Variants in NELL1 observed in about 807,000 individuals in gnomAD.
NELL1 encodes the protein neural EGFL like 1, also known as protein kinase C-binding protein NELL1.
In NELL1, 76 loss-of-function variants were observed where a neutral mutation model predicts 107.4. The observed-to-expected ratio is 0.71, with a 90% confidence interval of 0.59 to 0.86. NELL1 has a LOEUF of 0.86. NELL1 is among the 40% of genes least tolerant of loss of function. The pLI is 0.00. For missense variants in NELL1, 1,024 were observed against 1,005.5 expected (o/e 1.02, Z -0.25); for synonymous variants, 353 against 341.2 (o/e 1.03, Z -0.38).
intron 15 of NELL1, among the ~76,000 whole-genome samples, chr11:21,405,375 G>A (rs1048830547): frequency 7.6e-6 from 1 of 131,154 alleles, no homozygotes; most frequent in Admixed American, 7.6e-5. Flanking sequence ...TTTACCTGTT[G>A]TAAAAAGAAA....
chr11:21,072,743 A>T (rs951754693), intron 12 of NELL1, among the ~76,000 whole-genome samples: 3 of 152,224 alleles, frequency 2.0e-5, no homozygotes, highest in African/African-American at 7.2e-5. Flanking sequence ...CTTCAAAGCT[A>T]TAATGAGACT....
rs139217703 is a variant in NELL1 at position 21,286,447 on chromosome 11, G to A, written c.1549+56993G>A. Among the ~76,000 whole-genome samples the A allele has an allele frequency of 2.0e-3, 302 of 152,266 alleles. 1 individual carries two copies. Among genetic ancestry groups the A allele is most frequent in the African/African-American group, 7.0e-3 (292 of 41,550 alleles). On this transcript the variant is annotated intron_variant, in intron 14 of 19. Coordinates refer to ENST00000357134, the MANE Select transcript of NELL1 (RefSeq NM_006157.5). ...CAAAGGCATGTTCTTTTCAAGTGGA[G>A]CAAGGGGCGGATTTTAGCCAGATGG... is the stretch of plus-strand genomic sequence containing the variant.
chr11:21,098,993 T>A (rs1041826328), intron 12 of NELL1, among the ~76,000 whole-genome samples: 3 of 152,082 alleles, frequency 2.0e-5, no homozygotes, highest in Non-Finnish European at 4.4e-5. Flanking sequence ...GTATTTTAAT[T>A]GTATTTTTCC....
intron 14 of NELL1, among the ~76,000 whole-genome samples, chr11:21,281,735 GAGA>G (rs146700239): frequency 0.027 from 4,133 of 152,314 alleles, 76 homozygotes; most frequent in East Asian, 0.068. Context: ...AGTAAGGAAA[GAGA>G]AGAAGAGTCT....
Position 20,714,852 on chromosome 11 carries a change from A to G in NELL1, c.184+36792A>G, listed in dbSNP as rs1023841750. On this transcript the variant is annotated intron_variant, in intron 2 of 19. Coordinates refer to ENST00000357134, the MANE Select transcript of NELL1 (RefSeq NM_006157.5). ...AGAAATCAAAGACAAAAGGCAAATAAGTAAGTGTAGAGTACGTTCACCTTA... is the reference window on the plus strand; with the variant it reads ...AGAAATCAAAGACAAAAGGCAAATAGGTAAGTGTAGAGTACGTTCACCTTA... Among the ~76,000 whole-genome samples the G allele has an allele frequency of 3.3e-5, 5 of 152,328 alleles. No individual in the cohort carries two copies. The South Asian group carries it at 1.0e-3, about 32-fold the overall frequency.
intron 14 of NELL1, among the ~76,000 whole-genome samples, chr11:21,325,087 A>G (rs947907638): frequency 2.0e-5 from 3 of 152,004 alleles, no homozygotes; most frequent in Non-Finnish European, 4.4e-5. Context: ...TTCTTCTTGG[A>G]ATAAAACACC....
chr11:21,007,742 C>T (rs1468525103), intron 12 of NELL1, among the ~76,000 whole-genome samples: 1 of 152,202 alleles, frequency 6.6e-6, no homozygotes, highest in East Asian at 1.9e-4. Flanking sequence ...AATTTTAACA[C>T]ATCCTTCCAT....
At chr11:21,557,012 G>C (rs1218934666) in intron 16 of NELL1, among the ~76,000 whole-genome samples, 2 of 151,990 alleles carry the variant, frequency 1.3e-5, no homozygotes, top group Non-Finnish European at 2.9e-5. Context: ...AACAACAGTT[G>C]CAATATGTAA....
At chr11:21,231,197 A>G (rs1406731393) in intron 14 of NELL1, among the ~76,000 whole-genome samples, 1 of 152,198 alleles carries the variant, frequency 6.6e-6, no homozygotes, top group African/African-American at 2.4e-5. Flanking sequence ...ACAATATAGT[A>G]TCATCAAATA....
chr11:20,813,854 C>T (rs1857558866), intron 3 of NELL1, among the ~76,000 whole-genome samples: 1 of 151,902 alleles, frequency 6.6e-6, no homozygotes, highest in South Asian at 2.1e-4. Flanking sequence ...TTTGATTGAT[C>T]CTTAGTATCT....
intron 14 of NELL1, among the ~76,000 whole-genome samples, chr11:21,319,250 A>G (rs576882994): frequency 6.6e-6 from 1 of 151,654 alleles, no homozygotes; most frequent in Non-Finnish European, 1.5e-5. Flanking sequence ...ATCTCGGCTC[A>G]CTGCAACTTC....
rs74452322 is a variant in NELL1 at position 21,073,080 on chromosome 11, G to A, written c.1301-40509G>A. ...TTTCTCTGTTGCTGGCATTGTAGGT[G>A]TCTCGTCAATTTGGTAGAAGATGTC... On this transcript the variant is annotated intron_variant, in intron 12 of 19. Transcript: ENST00000357134. Among the ~76,000 whole-genome samples, 14 of 152,186 alleles carry A rather than the reference G, an allele frequency of 9.2e-5. No homozygotes were observed. The East Asian group carries it at 2.5e-3, about 27-fold the overall frequency.
chr11:21,133,709 TG>T (rs1855677613), intron 13 of NELL1, among the ~76,000 whole-genome samples: 1 of 12,482 alleles, frequency 8.0e-5, no homozygotes, highest in African/African-American at 3.5e-4. Flanking sequence ...AGGGGTGGTG[TG>T]GGGCAGTTGT....
chr11:21,203,595 G>A (rs557392877), intron 13 of NELL1, among the ~76,000 whole-genome samples: 8 of 152,148 alleles, frequency 5.3e-5, no homozygotes, highest in South Asian at 2.1e-4. Context: ...TTTAATTGGG[G>A]CATTTAGCCC....
chr11:21,026,612 C>T (rs985447386), intron 12 of NELL1, among the ~76,000 whole-genome samples: 1 of 152,060 alleles, frequency 6.6e-6, no homozygotes, highest in African/African-American at 2.4e-5. Context: ...GTTGGTTGTC[C>T]CAGTCACTAT....
intron 3 of NELL1, among the ~76,000 whole-genome samples, chr11:20,802,471 T>A (rs575666329): frequency 2.0e-4 from 31 of 152,190 alleles, no homozygotes; most frequent in Admixed American, 1.5e-3. Flanking sequence ...TTTTTGTGGA[T>A]CCTTTAGGTT....
At chr11:20,727,740 T>G (rs935245174) in intron 2 of NELL1, among the ~76,000 whole-genome samples, 3 of 152,240 alleles carry the variant, frequency 2.0e-5, no homozygotes, top group African/African-American at 4.8e-5. Flanking sequence ...GTCTAACATT[T>G]AAGTCTTTAA....
At chr11:20,814,360 G>A (rs943029920) in intron 3 of NELL1, among the ~76,000 whole-genome samples, 15 of 152,204 alleles carry the variant, frequency 9.9e-5, no homozygotes, top group African/African-American at 3.1e-4. Context: ...GGCATATTGT[G>A]TGATGCTGAG....
chr11:21,161,486 G>A (rs763294627), intron 13 of NELL1, among the ~76,000 whole-genome samples: 1 of 152,092 alleles, frequency 6.6e-6, no homozygotes, highest in African/African-American at 2.4e-5. Context: ...TCAGTGAGCC[G>A]AGATCATGCC....
Sources: gnomAD v4.1 joint callset for allele counts (sites outside exome capture counted in the v4.1 genomes callset) on GRCh38, gnomAD v4.1.1 for gene constraint, MANE v1.5 for transcripts, NCBI Gene and HGNC (gene_info 2026-07-23, HGNC 2026-07-21) for gene names.